INPP4B: variants seen among roughly 807,000 people sequenced by gnomAD.
INPP4B encodes inositol polyphosphate 4-phosphatase type II.
A neutral mutation model predicts 122.5 loss-of-function variants in INPP4B; 55 were observed. The observed-to-expected ratio is 0.45, with a 90% CI of 0.36 to 0.56. The LOEUF is 0.56. Among genes scored for constraint, INPP4B ranks in the 20% least tolerant of loss-of-function variants. The pLI, the probability that INPP4B is intolerant of heterozygous loss-of-function variation, is 0.00. For missense variants in INPP4B, 1,000 were observed against 1,097.7 expected, an observed-to-expected ratio of 0.91 and a Z score of 1.26; for synonymous variants, 403 against 388.7, an observed-to-expected ratio of 1.04 and a Z score of -0.43.
intron 14 of INPP4B, among the ~76,000 whole-genome samples, chr4:142,207,146 G>A (rs940393834): frequency 6.6e-6 from 1 of 151,994 alleles, no homozygotes. Flanking sequence ...TCTTTATAAG[G>A]CTGAATAATA....
intron 9 of INPP4B, among the ~76,000 whole-genome samples, chr4:142,272,426 T>A (rs1746311941): frequency 6.6e-6 from 1 of 152,066 alleles, no homozygotes; most frequent in South Asian, 2.1e-4. Flanking sequence ...AAAATAAAAG[T>A]GATTTATTGT....
intron 2 of INPP4B, among the ~76,000 whole-genome samples, chr4:142,666,050 A>G (rs113453993): frequency 1.6e-3 from 244 of 152,368 alleles, no homozygotes; most frequent in African/African-American, 5.8e-3. Flanking sequence ...AAAATATCTT[A>G]CTATACGGTA....
At chr4:142,842,600 T>C (rs1783638217) in intron 1 of INPP4B, among the ~76,000 whole-genome samples, 1 of 138,154 alleles carries the variant, frequency 7.2e-6, no homozygotes. Context: ...TGTATTATTA[T>C]ATGTATAATA....
intron 2 of INPP4B, among the ~76,000 whole-genome samples, chr4:142,517,951 T>C (rs1330553831): frequency 1.3e-5 from 2 of 152,200 alleles, no homozygotes; most frequent in Admixed American, 1.3e-4. Flanking sequence ...TAGAGGTAAA[T>C]TACTCACTGT....
chr4:142,158,815 G>T (rs1296569334), intron 17 of INPP4B, among the ~76,000 whole-genome samples: 2 of 151,624 alleles, frequency 1.3e-5, no homozygotes, highest in East Asian at 3.9e-4. Flanking sequence ...AGGGGGAAGG[G>T]TTTGTAAAAC....
chr4:142,589,162 C>A (rs1440855062), intron 2 of INPP4B, among the ~76,000 whole-genome samples: 1 of 151,904 alleles, frequency 6.6e-6, no homozygotes, highest in African/African-American at 2.4e-5. Flanking sequence ...TAACCAAGCA[C>A]AAGGCTTCCA....
intron 15 of INPP4B, among the ~76,000 whole-genome samples, chr4:142,179,210 C>T (rs1172048658): frequency 2.0e-5 from 3 of 152,116 alleles, no homozygotes; most frequent in Non-Finnish European, 4.4e-5. Context: ...CAGTGGCTCA[C>T]ACCTGTAGTC....
chr4:142,232,898 A>C (rs1579375651), intron 12 of INPP4B, among the ~76,000 whole-genome samples: 2 of 152,300 alleles, frequency 1.3e-5, no homozygotes, highest in African/African-American at 4.8e-5. Context: ...ACATTCCCTT[A>C]AGCCAAATTC....
At chr4:142,608,662 T>A (rs987554244) in intron 2 of INPP4B, among the ~76,000 whole-genome samples, 2 of 152,166 alleles carry the variant, frequency 1.3e-5, no homozygotes, top group African/African-American at 4.8e-5. Flanking sequence ...CCCTCTGACC[T>A]ACTCTGTACA....
chr4:142,058,832 G>A (rs941554301), intron 25 of INPP4B, among the ~76,000 whole-genome samples: 1 of 152,054 alleles, frequency 6.6e-6, no homozygotes, highest in East Asian at 1.9e-4. Context: ...ATTGAGATTG[G>A]GTTGAACAGT....
At chr4:142,621,470 A>G (rs1162321926) in intron 2 of INPP4B, among the ~76,000 whole-genome samples, 3 of 151,962 alleles carry the variant, frequency 2.0e-5, no homozygotes, top group African/African-American at 7.2e-5. Context: ...CAGATTCAGG[A>G]GGAAAAGAAA....
At chr4:142,833,684 C>T (rs1561121691) in intron 1 of INPP4B, among the ~76,000 whole-genome samples, 1 of 151,668 alleles carries the variant, frequency 6.6e-6, no homozygotes, top group Non-Finnish European at 1.5e-5. Flanking sequence ...TGGACTCAAA[C>T]TTCTGGGCTC....
chr4:142,308,292 C>A (rs1342219944), intron 8 of INPP4B, among the ~76,000 whole-genome samples: 1 of 152,198 alleles, frequency 6.6e-6, no homozygotes, highest in African/African-American at 2.4e-5. Context: ...ACGATGGCAT[C>A]ATACCATTAC....
At chr4:142,420,400 G>A (rs975604333) in intron 5 of INPP4B, among the ~76,000 whole-genome samples, 1 of 151,798 alleles carries the variant, frequency 6.6e-6, no homozygotes, top group African/African-American at 2.4e-5. Context: ...TCATATCTGC[G>A]GGGTGCACCA....
intron 2 of INPP4B, among the ~76,000 whole-genome samples, chr4:142,549,586 C>T (rs1727485800): frequency 6.6e-6 from 1 of 152,112 alleles, no homozygotes; most frequent in South Asian, 2.1e-4. Context: ...TTTACCTTCT[C>T]CAGGGTGATC....
chr4:142,711,300 C>T lies in INPP4B; in HGVS notation c.-191+14539G>A, dbSNP rs573245408. On this transcript the variant is annotated intron_variant, in intron 2 of 25. Transcript: ENST00000262992. ...ACCCACCACAACGTACTCTGACCCC[C>T]TTTCCAGCTTTATTTTTCTCCATAG... Among the ~76,000 whole-genome samples, 164 of 152,254 alleles carry T rather than the reference C, an allele frequency of 1.1e-3. 1 individual carries two copies. The highest frequency in any genetic ancestry group is 4.6e-4 in the Non-Finnish European group (31 of 68,026).
chr4:142,239,692 A>T lies in INPP4B; in HGVS notation c.689-1681T>A, dbSNP rs553251875. Among the ~76,000 whole-genome samples the T allele has an allele frequency of 4.5e-4, 69 of 152,288 alleles. 1 individual carries two copies. Among genetic ancestry groups the T allele is most frequent in the Middle Eastern group, 6.8e-3 (2 of 294 alleles). On this transcript the variant is annotated intron_variant, in intron 11 of 25. Transcript: ENST00000262992. ...ATGTACTAAATTTATTATGGTGTCC[A>T]TATACCAAATATGAGATCTCATGAA...
intron 1 of INPP4B, among the ~76,000 whole-genome samples, chr4:142,813,536 T>C (rs1779762376): frequency 6.6e-6 from 1 of 152,296 alleles, no homozygotes; most frequent in East Asian, 1.9e-4. Context: ...TGGAATGATG[T>C]TCGGGGTTAT....
intron 25 of INPP4B, among the ~76,000 whole-genome samples, chr4:142,061,535 T>C (rs1201374929): frequency 3.3e-5 from 5 of 152,140 alleles, no homozygotes; most frequent in African/African-American, 9.7e-5. Context: ...GTCTGACATA[T>C]TTGGGAACAG....
Sources: allele counts gnomAD v4.1 joint callset (sites outside exome capture counted in the v4.1 genomes callset), GRCh38; gene constraint gnomAD v4.1.1; transcripts MANE v1.5; gene names NCBI Gene and HGNC (gene_info 2026-07-23, HGNC 2026-07-21).